RAB3C: variants seen among roughly 807,000 people sequenced by gnomAD.
RAB3C encodes the protein RAB3C, member RAS oncogene family.
Under a neutral mutation model 26.4 loss-of-function variants are expected in RAB3C, and 17 were observed. That is an observed-to-expected ratio of 0.64 (90% CI 0.44 to 0.97). The LOEUF (loss-of-function observed/expected upper bound fraction) is 0.97. RAB3C is among the 50% of genes least tolerant of loss of function. The pLI is 0.00. For missense variants in RAB3C, 242 were observed against 281.9 expected (o/e 0.86, Z 1.01); for synonymous variants, 91 against 95.9 (o/e 0.95, Z 0.30).
chr5:58,820,046 A>G (rs1340786818), intron 3 of RAB3C, among the ~76,000 whole-genome samples: 2 of 152,190 alleles, frequency 1.3e-5, no homozygotes, highest in Admixed American at 6.5e-5. Context: ...GTATGCAGAA[A>G]GAGGTATAAA....
rs297038 is a variant in RAB3C, at chr5:58,856,078, C to T, written c.*4727C>T. 0.83 allele frequency: 126,889 copies of T among 152,036 alleles called. 53,676 individuals carry two copies. Among genetic ancestry groups the T allele is most frequent in the Middle Eastern group, 0.94 (275 of 294 alleles). 9.4% of individuals were successfully genotyped at this position (152,036 alleles called of 1,614,324 possible). A position where few individuals can be genotyped will look rare whatever the true frequency, so the allele number is the denominator to read the frequency against. ...CACTCGCCTGTACAAAGGTATCAGG[C>T]AAACACTGATACTTTTTTTTAAGAA... is the stretch of plus-strand genomic sequence containing the variant. On this transcript the variant is annotated 3_prime_UTR_variant, in exon 5 of 5. Coordinates refer to ENST00000282878, the MANE Select transcript of RAB3C (RefSeq NM_138453.4).
intron 2 of RAB3C, among the ~76,000 whole-genome samples, chr5:58,725,136 C>G (rs1740859226): frequency 6.6e-6 from 1 of 151,780 alleles, no homozygotes; most frequent in Admixed American, 6.6e-5. Flanking sequence ...GGTGAATTTT[C>G]TCAGCTTTTG....
At chr5:58,693,332 A>ATATGTATG (rs1554048041) in intron 2 of RAB3C, among the ~76,000 whole-genome samples, 6 of 107,078 alleles carry the variant, frequency 5.6e-5, no homozygotes, top group African/African-American at 2.4e-4. Flanking sequence ...TTATATATAT[A>ATATGTATG]TGTGTATATA....
At chr5:58,761,542 T>C (rs2111976658) in intron 3 of RAB3C, among the ~76,000 whole-genome samples, 1 of 152,308 alleles carries the variant, frequency 6.6e-6, no homozygotes, top group South Asian at 2.1e-4. Flanking sequence ...ATCATATCTC[T>C]AGAAAGCTTA....
At chr5:58,680,832 A>G (rs536400719) in intron 2 of RAB3C, among the ~76,000 whole-genome samples, 7 of 152,264 alleles carry the variant, frequency 4.6e-5, no homozygotes, top group African/African-American at 1.4e-4. Flanking sequence ...AAGACCCTTA[A>G]TCACATCTTC....
intron 1 of RAB3C, among the ~76,000 whole-genome samples, chr5:58,596,627 CATAATATATAAATATATAA>C (rs1746266425): frequency 7.0e-5 from 6 of 86,292 alleles, no homozygotes; most frequent in African/African-American, 2.9e-4. Flanking sequence ...ATATATAATA[CATAATATATAAATATATAA>C]TATATAATAC....
chr5:58,756,532 C>A (rs1229643126), intron 3 of RAB3C, among the ~76,000 whole-genome samples: 1 of 149,310 alleles, frequency 6.7e-6, no homozygotes, highest in Non-Finnish European at 1.5e-5. Context: ...CTCCCCTGGC[C>A]CCCCACCCCC....
chr5:58,674,103 A>T (rs1439525555), intron 2 of RAB3C, among the ~76,000 whole-genome samples: 1 of 152,140 alleles, frequency 6.6e-6, no homozygotes, highest in Non-Finnish European at 1.5e-5. Flanking sequence ...ATAAAATCCG[A>T]CTCATAAATA....
At chr5:58,632,296 G>T (rs1747199504) in intron 2 of RAB3C, among the ~76,000 whole-genome samples, 1 of 152,184 alleles carries the variant, frequency 6.6e-6, no homozygotes, top group Admixed American at 6.5e-5. Context: ...GGTCTCTACA[G>T]ACCTCAAAGT....
At chr5:58,756,017 G>T (rs1741647913) in intron 3 of RAB3C, among the ~76,000 whole-genome samples, 1 of 151,452 alleles carries the variant, frequency 6.6e-6, no homozygotes, top group African/African-American at 2.4e-5. Flanking sequence ...TTTTTATTTG[G>T]AAAAAATTTA....
chr5:58,586,998 A>G (rs528266459), intron 1 of RAB3C, among the ~76,000 whole-genome samples: 17 of 152,268 alleles, frequency 1.1e-4, no homozygotes, highest in African/African-American at 3.8e-4. Context: ...AGAAATGGAC[A>G]TGTAGTCCTC....
chr5:58,755,979 A>G (rs1741647396), intron 3 of RAB3C, among the ~76,000 whole-genome samples: 1 of 152,196 alleles, frequency 6.6e-6, no homozygotes, highest in African/African-American at 2.4e-5. Context: ...GTGATTATAC[A>G]TATTGACATT....
At chr5:58,665,606 G>C (rs548811029) in intron 2 of RAB3C, among the ~76,000 whole-genome samples, 1 of 152,050 alleles carries the variant, frequency 6.6e-6, no homozygotes, top group East Asian at 1.9e-4. Flanking sequence ...TTGAATTTAC[G>C]TGCTTTCATT....
At chr5:58,795,788 G>C (rs2112019772) in intron 3 of RAB3C, among the ~76,000 whole-genome samples, 1 of 152,160 alleles carries the variant, frequency 6.6e-6, no homozygotes, top group South Asian at 2.1e-4. Flanking sequence ...GTGGTAGAAA[G>C]AAAGATAGGA....
At chr5:58,793,564 C>G (rs1424006887) in intron 3 of RAB3C, among the ~76,000 whole-genome samples, 3 of 140,236 alleles carry the variant, frequency 2.1e-5, no homozygotes, top group Non-Finnish European at 4.6e-5. Context: ...CTAAGTGTTA[C>G]AGACTTCATT....
At position 58,729,686 on chromosome 5, in the gene RAB3C, A is replaced by T. The variant is rs12659579; in HGVS notation, c.371+3566A>T. 2.2e-4 allele frequency among the ~76,000 whole-genome samples: 32 copies of T among 148,336 alleles called. 1 individual carries two copies. In the East Asian group the frequency reaches 6.3e-3, roughly 29 times the overall value. ...TACACACATACACACAATACGTGTT[A>T]CATAATGTACATTGTGTGTATGTGT... On this transcript the variant is annotated intron_variant, in intron 3 of 4. Transcript: ENST00000282878.
At chr5:58,641,642 CA>C (rs752453029) in intron 2 of RAB3C, among the ~76,000 whole-genome samples, 5 of 152,204 alleles carry the variant, frequency 3.3e-5, no homozygotes, top group African/African-American at 7.2e-5. Context: ...GAAAACAAAA[CA>C]AGCAAACAAA....
At chr5:58,689,539 A>T (rs968700252) in intron 2 of RAB3C, among the ~76,000 whole-genome samples, 25 of 152,100 alleles carry the variant, frequency 1.6e-4, no homozygotes, top group African/African-American at 5.8e-4. Flanking sequence ...TGTATGGCCC[A>T]GGTTAATTTC....
intron 3 of RAB3C, among the ~76,000 whole-genome samples, chr5:58,792,442 A>G (rs757440044): frequency 5.3e-5 from 8 of 152,360 alleles, no homozygotes; most frequent in Middle Eastern, 3.4e-3. Context: ...AGTGCACGGA[A>G]AAAAGCAAGA....
Sources: allele counts gnomAD v4.1 joint callset (sites outside exome capture counted in the v4.1 genomes callset), GRCh38; gene constraint gnomAD v4.1.1; transcripts MANE v1.5; gene names NCBI Gene and HGNC (gene_info 2026-07-23, HGNC 2026-07-21).